Variants in POLR1A observed in about 807,000 individuals in gnomAD.
POLR1A encodes RNA polymerase I subunit A, also known as DNA-directed RNA polymerase I subunit RPA1.
POLR1A carries 84 observed loss-of-function variants against 205.3 expected under a neutral mutation model. The ratio of observed to expected loss-of-function variants is 0.41; its 90% CI spans 0.34 to 0.49. The LOEUF (loss-of-function observed/expected upper bound fraction) is 0.49. POLR1A is among the 20% of genes least tolerant of loss of function. POLR1A has a pLI of 0.22. For synonymous variants in POLR1A, 799 were observed against 863.7 expected, an observed-to-expected ratio of 0.93 and a Z score of 1.31; for missense variants, 1,645 against 2,204.5, an observed-to-expected ratio of 0.75 and a Z score of 5.08.
intron 14 of POLR1A, among the ~76,000 whole-genome samples, chr2:86,058,527 A>C (rs1672940089): frequency 1.4e-5 from 2 of 145,950 alleles, no homozygotes; most frequent in African/African-American, 5.0e-5. Context: ...AATATGAATT[A>C]TATCTTAATG....
intron 6 of POLR1A, among the ~76,000 whole-genome samples, chr2:86,086,807 T>A (rs761396124): frequency 6.6e-6 from 1 of 152,234 alleles, no homozygotes; most frequent in Non-Finnish European, 1.5e-5. Context: ...CTAGAAAGAA[T>A]TCTGACCATC....
chr2:86,075,345 T>A, intron 11 of POLR1A, 85 bp from the exon 12 acceptor site: 1 of 966,378 alleles, frequency 1.0e-6, no homozygotes. Context: ...ACAGGCTGTC[T>A]TTTCACCCAA....
intron 27 of POLR1A, among the ~76,000 whole-genome samples, chr2:86,034,572 T>G (rs1672461671): frequency 6.6e-6 from 1 of 152,076 alleles, no homozygotes; most frequent in Non-Finnish European, 1.5e-5. Context: ...ACCACTTCTT[T>G]CCTCATGTAA....
chr2:86,033,358 C>T (rs1427813538), intron 28 of POLR1A, among the ~76,000 whole-genome samples: 1 of 152,254 alleles, frequency 6.6e-6, no homozygotes, highest in Non-Finnish European at 1.5e-5. Flanking sequence ...CACGCCATGA[C>T]CTCGAGTCCC....
chr2:86,052,027 C>A (rs1035917373), intron 16 of POLR1A, among the ~76,000 whole-genome samples: 13 of 152,210 alleles, frequency 8.5e-5, no homozygotes, highest in African/African-American at 2.7e-4. Context: ...TCACTGCAAC[C>A]TCTGCCTCCT....
chr2:86,051,470 C>T (rs1372872948), intron 16 of POLR1A, among the ~76,000 whole-genome samples: 1 of 152,176 alleles, frequency 6.6e-6, no homozygotes, highest in Non-Finnish European at 1.5e-5. Context: ...ACTCCAGCTG[C>T]AGCAGCTGCA....
intron 3 of POLR1A, among the ~76,000 whole-genome samples, chr2:86,090,965 T>C (rs527555674): frequency 6.6e-6 from 1 of 152,306 alleles, no homozygotes; most frequent in East Asian, 1.9e-4. Context: ...ATCCTGCCTT[T>C]AAAAAGAACA....
Position 86,080,973 on chromosome 2 carries a change from C to T in POLR1A, c.929G>A (p.Arg310His), listed in dbSNP as rs1673389858. The change falls in exon 9 of 34, where the codon CGC becomes CAC. Residue 310 changes from arginine to histidine, a missense_variant. Arg to His is a conservative substitution (Grantham distance 29). Transcript: ENST00000263857. ...CTGGTCTCCTAGGCGACTGACTGGGCGATACCTGCAGGGGGACATACGGAA... is the reference window on the plus strand; with the variant it reads ...CTGGTCTCCTAGGCGACTGACTGGGTGATACCTGCAGGGGGACATACGGAA... ...DFLVVPPSRYRPVSRLGDQMF... is the reference protein window; with the variant it reads ...DFLVVPPSRYHPVSRLGDQMF... The T allele has an allele frequency of 6.2e-7, 1 of 1,610,360 alleles. No individual in the cohort carries two copies. Among genetic ancestry groups the T allele is most frequent in the Non-Finnish European group, 8.5e-7 (1 of 1,178,084 alleles).
chr2:86,049,914 T>C (rs1672772588), intron 16 of POLR1A, among the ~76,000 whole-genome samples: 1 of 151,874 alleles, frequency 6.6e-6, no homozygotes, highest in Non-Finnish European at 1.5e-5. Flanking sequence ...AACTAGTGTT[T>C]TTTTTTTTGT....
intron 6 of POLR1A, 26 bp downstream of exon 6, chr2:86,088,540 C>A: frequency 2.1e-6 from 3 of 1,448,426 alleles, no homozygotes; most frequent in Non-Finnish European, 2.9e-6. Flanking sequence ...TCACATGGAG[C>A]TCCTCTCCAG....
chr2:86,078,625 A>T (rs2104420112), intron 9 of POLR1A, among the ~76,000 whole-genome samples: 1 of 152,338 alleles, frequency 6.6e-6, no homozygotes, highest in South Asian at 2.1e-4. Context: ...ACATCAGTAC[A>T]TTTCTTATGA....
rs1369343533 is a variant in POLR1A at position 86,027,387 on chromosome 2, G to A, written c.*36C>T. On this transcript the variant is annotated 3_prime_UTR_variant, in exon 34 of 34. Coordinates refer to ENST00000263857, the MANE Select transcript of POLR1A (RefSeq NM_015425.6). Reference sequence around the variant, plus strand: ...AGGCTGGGCCACGCCCTCACCAAGGGTCCTTGGAGCTGGGCAGATGGTGCC... The same window carrying A: ...AGGCTGGGCCACGCCCTCACCAAGGATCCTTGGAGCTGGGCAGATGGTGCC... The A allele has an allele frequency of 1.9e-6, 3 of 1,542,842 alleles. No individual in the cohort carries two copies. In the South Asian group the frequency reaches 3.3e-5, roughly 17 times the overall value.
intron 27 of POLR1A, among the ~76,000 whole-genome samples, chr2:86,034,476 C>T (rs1170321209): frequency 6.6e-6 from 1 of 152,238 alleles, no homozygotes; most frequent in Non-Finnish European, 1.5e-5. Context: ...AAAGAACCAA[C>T]CTGAAGCTCA....
intron 8 of POLR1A, 98 bp downstream of exon 8, chr2:86,081,503 T>C (rs768594873): frequency 2.8e-6 from 2 of 708,462 alleles, no homozygotes; most frequent in Non-Finnish European, 4.8e-6. Context: ...CAGCTTTGTC[T>C]CTCAGTGCCC....
chr2:86,043,255 G>A (rs1672650810), intron 22 of POLR1A, 60 bp from the exon 23 acceptor site: 1 of 1,429,506 alleles, frequency 7.0e-7, no homozygotes, highest in East Asian at 2.3e-5. Flanking sequence ...AAAGAGATGA[G>A]GGCGTGACAA....
At chr2:86,040,096 A>G (rs554533144) in intron 25 of POLR1A, 1 of 286,162 alleles carries the variant, frequency 3.5e-6, no homozygotes, top group East Asian at 6.2e-5. Flanking sequence ...CTTGTTAACA[A>G]TGTACGTTCC....
chr2:86,056,979 C>T (rs981530103), intron 14 of POLR1A, among the ~76,000 whole-genome samples: 8 of 152,162 alleles, frequency 5.3e-5, no homozygotes, highest in Admixed American at 1.3e-4. Flanking sequence ...CTGCAGCCCA[C>T]GGATAAAGGA....
rs934565274 is a variant in POLR1A at position 86,039,034 on chromosome 2, C to A, written c.3877-177G>T. 1.9e-5 allele frequency: 12 copies of A among 644,688 alleles called. No individual in the cohort carries two copies. In the Admixed American group the frequency reaches 3.4e-4, roughly 18 times the overall value. The allele number at this position is 644,688 out of a possible 1,614,324, so 39.9% of individuals were successfully genotyped here. A position where few individuals can be genotyped will look rare whatever the true frequency, so the allele number is the denominator to read the frequency against. ...GATCTGCTGGGGGGCCCACAGCCTG[C>A]AGTCACCTCCAGAGAGTGGCCTGAA... On this transcript the variant is annotated intron_variant, in intron 26 of 33. Coordinates refer to ENST00000263857, the MANE Select transcript of POLR1A (RefSeq NM_015425.6).
Position 86,030,370 on chromosome 2 carries a change from C to G in POLR1A, c.4605G>C (p.Lys1535Asn), listed in dbSNP as rs199577745. ...CQVTVKLPLM[K>N]INFDMSSLVV... ...CCAGGGAGCTCATGTCAAAGTTGAT[C>G]TTCATCAGAGGGAGCTTCACTGTCA... is the stretch of plus-strand genomic sequence containing the variant. Residue 1535 changes from lysine (K) to asparagine (N), a missense_variant, in exon 31 of 34, where the codon AAG becomes AAC. By Grantham distance (94) the Lys-to-Asn change is moderately conservative. Coordinates refer to ENST00000263857, the MANE Select transcript of POLR1A (RefSeq NM_015425.6). 1 of 1,614,024 alleles carries G rather than the reference C, an allele frequency of 6.2e-7. No homozygotes were observed. Among genetic ancestry groups the G allele is most frequent in the East Asian group, 2.2e-5 (1 of 44,872 alleles).
Sources: gnomAD v4.1 joint callset for allele counts (sites outside exome capture counted in the v4.1 genomes callset) on GRCh38, gnomAD v4.1.1 for gene constraint, MANE v1.5 for transcripts, NCBI Gene and HGNC (gene_info 2026-07-23, HGNC 2026-07-21) for gene names.